Variants in C8orf48 observed in about 807,000 individuals in gnomAD.
C8orf48 encodes the protein chromosome 8 open reading frame 48.
For synonymous variants in C8orf48, 188 were observed against 138.2 expected (o/e 1.36, Z -2.53); for missense variants, 580 against 363.3 (o/e 1.60, Z -4.85).
rs1234836893 is a variant in C8orf48 at position 13,567,006 on chromosome 8, A to G, written c.15A>G (p.Pro5=). 3.9e-6 allele frequency: 6 copies of G among 1,548,746 alleles called. No homozygotes were observed. Among genetic ancestry groups the G allele is most frequent in the Non-Finnish European group, 5.2e-6 (6 of 1,145,066 alleles). ...GATGCATTGTGATGGCCATCTGCCC[A>G]GAATTGGCCCAAACGGACAAAAGTG... MAIC[P]ELAQTDKSAL... is the part of the protein sequence containing the mutation. Residue 5 remains proline (P), a synonymous_variant, in exon 1 of 1, where the codon CCA becomes CCG. Transcript: ENST00000297324.
In C8orf48 at chr8:13,567,346, T is replaced by A. The variant is rs1346244522; in HGVS notation, c.355T>A (p.Leu119Met). ...AATCACTCGGGTATCAGATGAAGAA[T>A]TGAATGCCCTGCAGTCTTATTGCAC... ...TEITRVSDEE[L>M]NALQSYCTMK... Residue 119 changes from leucine to methionine, a missense_variant, in exon 1 of 1, where the codon TTG becomes ATG. Transcript: ENST00000297324. 1 of 1,551,672 alleles carries A rather than the reference T, an allele frequency of 6.4e-7. No individual in the cohort carries two copies. The highest frequency in any genetic ancestry group is 1.4e-5 in the African/African-American group (1 of 73,160).
Position 13,567,863 on chromosome 8 carries a change from G to C in C8orf48, c.872G>C (p.Ser291Thr). ...TEQKLQRDGN[S>T]ACHLPFSLPF... The stretch of plus-strand genomic sequence containing the variant: ...CAGAAGTTGCAGCGAGATGGAAATA[G>C]TGCTTGTCATTTACCATTTTCTCTG... The change falls in exon 1 of 1, where the codon AGT becomes ACT. Residue 291 changes from serine (S) to threonine (T), a missense_variant. Transcript: ENST00000297324. 5.8e-6 allele frequency: 9 copies of C among 1,551,874 alleles called. No homozygotes were observed. The highest frequency in any genetic ancestry group is 7.0e-6 in the Non-Finnish European group (8 of 1,147,020).
At position 13,567,040 on chromosome 8, in the gene C8orf48, A is replaced by G. The variant is rs905173837; in HGVS notation, c.49A>G (p.Asn17Asp). 1 of 1,551,570 alleles carries G rather than the reference A, an allele frequency of 6.4e-7. No homozygotes were observed. The highest frequency in any genetic ancestry group is 2.4e-5 in the East Asian group (1 of 40,906). ...LAQTDKSALA[N>D]LSDETETLKN... ...CCAAACGGACAAAAGTGCTCTTGCA[A>G]ACCTTTCTGATGAGACTGAGACTTT... The change falls in exon 1 of 1, where the codon AAC becomes GAC. Residue 17 changes from asparagine (N) to aspartate (D), a missense_variant. Asn to Asp is a conservative substitution (Grantham distance 23). Transcript: ENST00000297324.
Position 13,567,004 on chromosome 8 carries a change from C to A in C8orf48, c.13C>A (p.Pro5Thr). The stretch of plus-strand genomic sequence containing the variant: ...CTGATGCATTGTGATGGCCATCTGC[C>A]CAGAATTGGCCCAAACGGACAAAAG... MAIC[P>T]ELAQTDKSAL... The change falls in exon 1 of 1, where the codon CCA (proline) becomes ACA (threonine). Residue 5 changes from proline (P) to threonine (T), a missense_variant. Coordinates refer to ENST00000297324, the MANE Select transcript of C8orf48 (RefSeq NM_001007090.3). 2 of 1,548,206 alleles carry A rather than the reference C, an allele frequency of 1.3e-6. No individual in the cohort carries two copies. The highest frequency in any genetic ancestry group is 1.4e-5 in the African/African-American group (1 of 73,034).
Position 13,568,107 on chromosome 8 carries a change from T to G in C8orf48, c.*156T>G. The stretch of plus-strand genomic sequence containing the variant: ...CTATTATAGAAGGCACTGTTGTAGT[T>G]GGAATAGTTATAAAAACTTTTACAA... On this transcript the variant is annotated 3_prime_UTR_variant, in exon 1 of 1. Transcript: ENST00000297324. The G allele has an allele frequency of 1.2e-6, 1 of 808,232 alleles. No homozygotes were observed. Among genetic ancestry groups the G allele is most frequent in the Non-Finnish European group, 1.9e-6 (1 of 533,872 alleles). The allele number at this position is 808,232 out of a possible 1,614,324, so 50.1% of individuals were successfully genotyped here. A position where few individuals can be genotyped will look rare whatever the true frequency, so the allele number is the denominator to read the frequency against.
At position 13,566,948 on chromosome 8, in the gene C8orf48, T is replaced by C; in HGVS notation, c.-44T>C. 2.0e-6 allele frequency: 3 copies of C among 1,496,902 alleles called. No homozygotes were observed. Among genetic ancestry groups the C allele is most frequent in the South Asian group, 2.7e-5 (2 of 73,906 alleles). 92.7% of individuals were successfully genotyped at this position (1,496,902 alleles called of 1,614,324 possible). A position where few individuals can be genotyped will look rare whatever the true frequency, so the allele number is the denominator to read the frequency against. On this transcript the variant is annotated 5_prime_UTR_variant, in exon 1 of 1. Transcript: ENST00000297324. ...TCCTGACGGGTTCCTGAGCCAGTCT[T>C]AACCTGGGCAAAGGAGATGAGGAGC...
Position 13,567,062 on chromosome 8 carries a change from C to G in C8orf48, c.71C>G (p.Thr24Ser), listed in dbSNP as rs1226170351. Residue 24 changes from threonine to serine, a missense_variant, in exon 1 of 1, where the codon ACT becomes AGT. Transcript: ENST00000297324. ...GCAAACCTTTCTGATGAGACTGAGACTTTGAAGAACTCTACTGATGAGGTA... is the reference window on the plus strand; with the variant it reads ...GCAAACCTTTCTGATGAGACTGAGAGTTTGAAGAACTCTACTGATGAGGTA... ...ALANLSDETE[T>S]LKNSTDEVQT... The G allele has an allele frequency of 1.9e-6, 3 of 1,551,742 alleles. No homozygotes were observed. The highest frequency in any genetic ancestry group is 1.7e-6 in the Non-Finnish European group (2 of 1,147,004).
At position 13,567,585 on chromosome 8, in the gene C8orf48, G is replaced by C. The variant is rs899546441; in HGVS notation, c.594G>C (p.Gln198His). 1.9e-6 allele frequency: 3 copies of C among 1,551,752 alleles called. No individual in the cohort carries two copies. Among genetic ancestry groups the C allele is most frequent in the South Asian group, 1.2e-5 (1 of 84,062 alleles). Residue 198 changes from glutamine to histidine, a missense_variant, in exon 1 of 1, where the codon CAG becomes CAC. Gln to His is a conservative substitution (Grantham distance 24). Transcript: ENST00000297324. ...EAAAKQHISY[Q>H]CPYCNRKRAE... Reference sequence around the variant, plus strand: ...CAGCTAAGCAACACATATCTTATCAGTGTCCCTATTGTAACAGGAAAAGAG... The same window carrying C: ...CAGCTAAGCAACACATATCTTATCACTGTCCCTATTGTAACAGGAAAAGAG...
chr8:13,568,055 G>A lies in C8orf48; in HGVS notation c.*104G>A. On this transcript the variant is annotated 3_prime_UTR_variant, in exon 1 of 1. Coordinates refer to ENST00000297324, the MANE Select transcript of C8orf48 (RefSeq NM_001007090.3). The stretch of plus-strand genomic sequence containing the variant: ...TACTATGCTTCCTTCACAGATTTGA[G>A]GACTAAGAACTTTCACTTTTTTTTT... The A allele has an allele frequency of 7.9e-7, 1 of 1,265,450 alleles. No individual in the cohort carries two copies. Among genetic ancestry groups the A allele is most frequent in the Non-Finnish European group, 1.1e-6 (1 of 937,314 alleles). The allele number at this position is 1,265,450 out of a possible 1,614,324, so 78.4% of individuals were successfully genotyped here.
In C8orf48 at chr8:13,568,238, G is replaced by A. The variant is rs1397748121; in HGVS notation, c.*287G>A. On this transcript the variant is annotated 3_prime_UTR_variant, in exon 1 of 1. Transcript: ENST00000297324. ...ACTTAAAAAGTAATAACTGTCTTTGGCGATCAAATGGCTATGGGGAATTAA... is the reference window on the plus strand; with the variant it reads ...ACTTAAAAAGTAATAACTGTCTTTGACGATCAAATGGCTATGGGGAATTAA... 3.6e-6 allele frequency: 1 copy of A among 281,372 alleles called. No homozygotes were observed. The highest frequency in any genetic ancestry group is 2.2e-5 in the African/African-American group (1 of 44,812). 17.4% of individuals were successfully genotyped at this position (281,372 alleles called of 1,614,324 possible).
In C8orf48 at chr8:13,567,347, T is replaced by G; in HGVS notation, c.356T>G (p.Leu119Trp). 1 of 1,551,620 alleles carries G rather than the reference T, an allele frequency of 6.4e-7. No individual in the cohort carries two copies. Among genetic ancestry groups the G allele is most frequent in the East Asian group, 2.4e-5 (1 of 40,912 alleles). ...TEITRVSDEE[L>W]NALQSYCTMK... Reference sequence around the variant, plus strand: ...ATCACTCGGGTATCAGATGAAGAATTGAATGCCCTGCAGTCTTATTGCACC... The same window carrying G: ...ATCACTCGGGTATCAGATGAAGAATGGAATGCCCTGCAGTCTTATTGCACC... The change falls in exon 1 of 1, where the codon TTG becomes TGG. Residue 119 changes from leucine (L) to tryptophan (W), a missense_variant. Coordinates refer to ENST00000297324, the MANE Select transcript of C8orf48 (RefSeq NM_001007090.3).
Position 13,567,025 on chromosome 8 carries a change from A to C in C8orf48, c.34A>C (p.Lys12Gln), listed in dbSNP as rs183770365. The change falls in exon 1 of 1, where the codon AAA (lysine) becomes CAA (glutamine). Residue 12 changes from lysine to glutamine, a missense_variant. Lys to Gln is a moderately conservative substitution (Grantham distance 53). Transcript: ENST00000297324. ...AICPELAQTD[K>Q]SALANLSDET... Reference sequence around the variant, plus strand: ...CTGCCCAGAATTGGCCCAAACGGACAAAAGTGCTCTTGCAAACCTTTCTGA... The same window carrying C: ...CTGCCCAGAATTGGCCCAAACGGACCAAAGTGCTCTTGCAAACCTTTCTGA... The C allele has an allele frequency of 3.9e-6, 6 of 1,551,160 alleles. No homozygotes were observed. In the East Asian group the frequency reaches 1.2e-4, roughly 32 times the overall value.
At position 13,567,289 on chromosome 8, in the gene C8orf48, C is replaced by G. The variant is rs767181685; in HGVS notation, c.298C>G (p.Arg100Gly). Residue 100 changes from arginine (R) to glycine (G), a missense_variant, in exon 1 of 1, where the codon CGG (arginine) becomes GGG (glycine). By Grantham distance (125) the Arg-to-Gly change is moderately radical. Transcript: ENST00000297324. ...CAAGCTCAAAGACTCTAACTTTGAACGGCACCAACCAGACACCAAACTTCC... is the reference window on the plus strand; with the variant it reads ...CAAGCTCAAAGACTCTAACTTTGAAGGGCACCAACCAGACACCAAACTTCC... ...YLKLKDSNFE[R>G]HQPDTKLPTE... The G allele has an allele frequency of 1.3e-6, 2 of 1,551,694 alleles. No homozygotes were observed. Among genetic ancestry groups the G allele is most frequent in the Non-Finnish European group, 1.7e-6 (2 of 1,147,026 alleles).
Position 13,567,589 on chromosome 8 carries a change from C to G in C8orf48, c.598C>G (p.Pro200Ala). 6.4e-7 allele frequency: 1 copy of G among 1,551,750 alleles called. No individual in the cohort carries two copies. Among genetic ancestry groups the G allele is most frequent in the Non-Finnish European group, 8.7e-7 (1 of 1,147,010 alleles). Residue 200 changes from proline (P) to alanine (A), a missense_variant, in exon 1 of 1, where the codon CCC (proline) becomes GCC (alanine). Transcript: ENST00000297324. The stretch of plus-strand genomic sequence containing the variant: ...TAAGCAACACATATCTTATCAGTGT[C>G]CCTATTGTAACAGGAAAAGAGCGGA... ...AAKQHISYQC[P>A]YCNRKRAELA...
rs764376441 is a variant in C8orf48, at chr8:13,567,961, A to G, written c.*10A>G. On this transcript the variant is annotated 3_prime_UTR_variant, in exon 1 of 1. Transcript: ENST00000297324. The stretch of plus-strand genomic sequence containing the variant: ...TAATGATAATGTGTAATGTGGATAG[A>G]TGTCTTTGTTGTGTATTTGAGTAAT... 23 of 1,525,040 alleles carry G rather than the reference A, an allele frequency of 1.5e-5. No individual in the cohort carries two copies. In the African/African-American group the frequency reaches 2.5e-4, roughly 17 times the overall value. The allele number at this position is 1,525,040 out of a possible 1,614,324, so 94.5% of individuals were successfully genotyped here.
chr8:13,567,935 T>C lies in C8orf48; in HGVS notation c.944T>C (p.Val315Ala). 1 of 1,547,778 alleles carries C rather than the reference T, an allele frequency of 6.5e-7. No individual in the cohort carries two copies. Among genetic ancestry groups the C allele is most frequent in the Non-Finnish European group, 8.7e-7 (1 of 1,145,166 alleles). Residue 315 changes from valine to alanine, a missense_variant, in exon 1 of 1, where the codon GTT (valine) becomes GCT (alanine). By Grantham distance (64) the Val-to-Ala change is moderately conservative. Transcript: ENST00000297324. The stretch of plus-strand genomic sequence containing the variant: ...CTAATCAAACCAGAGCTGGTGATTG[T>C]TAATGATAATGTGTAATGTGGATAG... Reference protein sequence around the residue: ...LTLIKPELVIVNDNV With the variant: ...LTLIKPELVIANDNV
rs1013508825 is a variant in C8orf48, at chr8:13,567,679, A to C, written c.688A>C (p.Arg230=). The change falls in exon 1 of 1, where the codon AGA becomes CGA. Residue 230 remains arginine (R), a synonymous_variant. Transcript: ENST00000297324. ...TLLESFLLQE[R]IDEHLHTKDF... ...ACTGGAGTCATTTCTACTCCAAGAG[A>C]GAATAGATGAACATCTTCATACCAA... 32 of 1,551,850 alleles carry C rather than the reference A, an allele frequency of 2.1e-5. No individual in the cohort carries two copies. The highest frequency in any genetic ancestry group is 2.8e-5 in the Non-Finnish European group (32 of 1,147,068).
rs895030384 is a variant in C8orf48 at position 13,566,901 on chromosome 8, A to G, written c.-91A>G. On this transcript the variant is annotated 5_prime_UTR_variant, in exon 1 of 1. Transcript: ENST00000297324. ...CCTCCGCAGAGCTGATGGCATTGAG[A>G]TCCATTCCCGGAGGGGTCAGCTCCT... 2.1e-6 allele frequency: 3 copies of G among 1,428,852 alleles called. No individual in the cohort carries two copies. The African/African-American group carries it at 4.3e-5, about 21-fold the overall frequency. 88.5% of individuals were successfully genotyped at this position (1,428,852 alleles called of 1,614,324 possible). A position where few individuals can be genotyped will look rare whatever the true frequency, so the allele number is the denominator to read the frequency against.
Position 13,567,178 on chromosome 8 carries a change from A to G in C8orf48, c.187A>G (p.Ser63Gly), listed in dbSNP as rs936664250. The G allele has an allele frequency of 6.4e-7, 1 of 1,551,832 alleles. No homozygotes were observed. Among genetic ancestry groups the G allele is most frequent in the African/African-American group, 1.4e-5 (1 of 73,178 alleles). The change falls in exon 1 of 1, where the codon AGC becomes GGC. Residue 63 changes from serine (S) to glycine (G), a missense_variant. Ser to Gly is a moderately conservative substitution (Grantham distance 56). Coordinates refer to ENST00000297324, the MANE Select transcript of C8orf48 (RefSeq NM_001007090.3). Reference protein sequence around the residue: ...SKLEREKQTPSLEQGDTQSEL... With the variant: ...SKLEREKQTPGLEQGDTQSEL... ...ACTGGAGAGGGAAAAGCAGACTCCA[A>G]GCTTGGAACAAGGAGACACACAATC...
Sources: allele counts gnomAD v4.1 joint callset, GRCh38; gene constraint gnomAD v4.1.1; transcripts MANE v1.5; gene names NCBI Gene and HGNC (gene_info 2026-07-23, HGNC 2026-07-21).